The following TOM1 variants were observed in gnomAD, a reference collection of about 807,000 sequenced individuals.
TOM1 encodes target of myb1 membrane trafficking protein, also known as target of Myb protein 1.
Under a neutral mutation model 61.3 loss-of-function variants are expected in TOM1, and 38 were observed. The observed-to-expected ratio is 0.62, with a 90% CI of 0.48 to 0.81. The LOEUF (loss-of-function observed/expected upper bound fraction) is 0.81, where lower values mean the gene tolerates loss of function less well. Ranked by LOEUF, TOM1 falls within the 40% of genes least tolerant of loss-of-function variation. TOM1 has a pLI of 0.00. For missense variants in TOM1, 591 were observed against 659.6 expected (o/e 0.90, Z 1.14); for synonymous variants, 270 against 268.8 (o/e 1.00, Z -0.04).
At chr22:35,342,375 T>G (rs1205192253) in intron 12 of TOM1, among the ~76,000 whole-genome samples, 1 of 151,960 alleles carries the variant, frequency 6.6e-6, no homozygotes. Flanking sequence ...GGAGCAGGAC[T>G]CTCGTCTCCC....
In TOM1 at chr22:35,305,458, G is replaced by A. The variant is rs998058932; in HGVS notation, c.52+5478G>A. On this transcript the variant is annotated intron_variant, in intron 1 of 14. Coordinates refer to ENST00000449058, the MANE Select transcript of TOM1 (RefSeq NM_005488.3). ...GGGTGGATCACGAGGTCAAGAAATT[G>A]AGACCATCCTGGCCAACATGGTGAA... Among the ~76,000 whole-genome samples the A allele has an allele frequency of 3.3e-5, 5 of 152,096 alleles. No homozygotes were observed. In the South Asian group the frequency reaches 6.2e-4, roughly 19 times the overall value.
At chr22:35,317,989 G>A in intron 2 of TOM1, 28 bp downstream of exon 2, 1 of 1,577,916 alleles carries the variant, frequency 6.3e-7, no homozygotes, top group South Asian at 1.1e-5. Context: ...AGAGGTTGGG[G>A]GCAGAGACGG....
At chr22:35,317,834 T>C (rs1336674113) in intron 1 of TOM1, 43 bp from the exon 2 acceptor site, 1 of 1,522,110 alleles carries the variant, frequency 6.6e-7, no homozygotes, top group Admixed American at 1.7e-5. Context: ...GTTTACCCAT[T>C]CAGGACCCCC....
intron 1 of TOM1, among the ~76,000 whole-genome samples, chr22:35,302,658 G>A (rs982819025): frequency 3.3e-5 from 5 of 152,068 alleles, no homozygotes; most frequent in Admixed American, 1.3e-4. Context: ...TTGAGTTCCC[G>A]GGTAATGCTA....
At chr22:35,335,945 G>A (rs921047143) in intron 11 of TOM1, among the ~76,000 whole-genome samples, 6 of 152,162 alleles carry the variant, frequency 3.9e-5, no homozygotes, top group Non-Finnish European at 7.4e-5. Context: ...GAGGTGCCCT[G>A]GCTCCCGCAC....
chr22:35,333,578 T>TA (rs1929024427), intron 10 of TOM1, 81 bp downstream of exon 10: 2 of 1,243,966 alleles, frequency 1.6e-6, no homozygotes, highest in East Asian at 2.4e-5. Context: ...GGTGCCCTTG[T>TA]TATATACCCA....
intron 1 of TOM1, among the ~76,000 whole-genome samples, chr22:35,313,776 C>G (rs1029109543): frequency 2.0e-5 from 3 of 152,202 alleles, no homozygotes; most frequent in Non-Finnish European, 4.4e-5. Context: ...TAAGGACGCA[C>G]AGGTGCCCAG....
chr22:35,309,900 T>C (rs1288767920), intron 1 of TOM1, among the ~76,000 whole-genome samples: 4 of 152,114 alleles, frequency 2.6e-5, no homozygotes, highest in Non-Finnish European at 5.9e-5. Flanking sequence ...AGACACCCGC[T>C]TCCATCTCTG....
intron 1 of TOM1, among the ~76,000 whole-genome samples, chr22:35,301,725 G>A (rs967518105): frequency 6.6e-6 from 1 of 152,078 alleles, no homozygotes; most frequent in Non-Finnish European, 1.5e-5. Flanking sequence ...GCTCTCCAAG[G>A]GGGAGGTGGC....
rs753470504 is a variant in TOM1, at chr22:35,327,291, G to A, written c.669G>A (p.Glu223=). The part of the protein sequence containing the change: ...TPEQIGKLRS[E]LEMVSGNVRV... ...TTCAGATTGGGAAGCTGCGCAGTGAGCTGGAGATGGTGAGTGGGAACGTGA... is the reference window on the plus strand; with the variant it reads ...TTCAGATTGGGAAGCTGCGCAGTGAACTGGAGATGGTGAGTGGGAACGTGA... Residue 223 remains glutamate, a synonymous_variant, in exon 7 of 15, where the codon GAG becomes GAA. Coordinates refer to ENST00000449058, the MANE Select transcript of TOM1 (RefSeq NM_005488.3). 5 of 1,614,096 alleles carry A rather than the reference G, an allele frequency of 3.1e-6. No homozygotes were observed. Among genetic ancestry groups the A allele is most frequent in the Non-Finnish European group, 4.2e-6 (5 of 1,179,988 alleles).
chr22:35,336,610 C>T (rs25015), intron 11 of TOM1: 66,069 of 152,268 alleles, frequency 0.43, 17,650 homozygotes, highest in Non-Finnish European at 0.59. Flanking sequence ...GTCCTTCCCC[C>T]GCTTTGTCCG....
intron 12 of TOM1, chr22:35,344,468 T>A (rs767149026): frequency 2.0e-5 from 3 of 152,300 alleles, no homozygotes; most frequent in Non-Finnish European, 4.4e-5. Flanking sequence ...GCAGCTCCTC[T>A]GTGCCCGGTT....
chr22:35,328,799 C>T (rs1025384543), intron 7 of TOM1, among the ~76,000 whole-genome samples: 5 of 152,216 alleles, frequency 3.3e-5, no homozygotes, highest in South Asian at 2.1e-4. Flanking sequence ...AGGAGAAAGG[C>T]GTGCTGGCGT....
intron 8 of TOM1, 37 bp downstream of exon 8, chr22:35,330,517 C>T (rs1928751125): frequency 1.9e-6 from 3 of 1,565,738 alleles, no homozygotes; most frequent in East Asian, 2.3e-5. Flanking sequence ...TGGCCTACTG[C>T]CCCAACCCTC....
chr22:35,338,664 C>A, intron 11 of TOM1, 49 bp from the exon 12 acceptor site: 1 of 1,455,628 alleles, frequency 6.9e-7, no homozygotes, highest in Non-Finnish European at 9.2e-7. Flanking sequence ...GTTCTTGCAT[C>A]AGCCATCGGT....
chr22:35,343,545 C>G (rs1930179100), intron 12 of TOM1, among the ~76,000 whole-genome samples: 1 of 143,612 alleles, frequency 7.0e-6, no homozygotes, highest in Non-Finnish European at 1.5e-5. Flanking sequence ...CATCTACACC[C>G]ACCACACACA....
chr22:35,334,499 G>A, intron 11 of TOM1, 51 bp downstream of exon 11: 1 of 1,608,630 alleles, frequency 6.2e-7, no homozygotes, highest in Non-Finnish European at 8.5e-7. Context: ...TGGCTCTCGG[G>A]GTTCTGGAAC....
intron 7 of TOM1, among the ~76,000 whole-genome samples, chr22:35,328,132 G>A (rs1275354232): frequency 2.0e-5 from 3 of 152,156 alleles, no homozygotes; most frequent in South Asian, 2.1e-4. Flanking sequence ...TGTCTTCCTC[G>A]CCACCGTGTC....
intron 2 of TOM1, among the ~76,000 whole-genome samples, chr22:35,320,031 A>G (rs1010286032): frequency 2.0e-5 from 3 of 152,208 alleles, no homozygotes; most frequent in African/African-American, 7.2e-5. Context: ...AGACAGCCGG[A>G]TGGGTCCCAG....
Sources: allele counts gnomAD v4.1 joint callset (sites outside exome capture counted in the v4.1 genomes callset), GRCh38; gene constraint gnomAD v4.1.1; transcripts MANE v1.5; gene names NCBI Gene and HGNC (gene_info 2026-07-23, HGNC 2026-07-21).